Variants in PCDH11X observed in about 807,000 individuals in gnomAD.
The protein encoded by PCDH11X is protocadherin 11 X-linked, also known as protocadherin-11 X-linked.
In PCDH11X, 18 loss-of-function variants were observed where a neutral mutation model predicts 53.3. That is an observed-to-expected ratio of 0.34 (90% CI 0.23 to 0.50). The LOEUF (loss-of-function observed/expected upper bound fraction) is 0.50, where lower values mean the gene tolerates loss of function less well. Ranked by LOEUF, PCDH11X falls within the 20% of genes least tolerant of loss-of-function variation. The pLI is 0.98. For missense variants in PCDH11X, 570 were observed against 1,032.4 expected (o/e 0.55, Z 6.14); for synonymous variants, 279 against 393.3 (o/e 0.71, Z 3.44).
intron 6 of PCDH11X, among the ~76,000 whole-genome samples, chrX:91,938,212 T>A (rs1409620486): frequency 9.0e-6 from 1 of 111,446 alleles, no homozygotes; most frequent in Non-Finnish European, 1.9e-5. Context: ...AGCATATTTG[T>A]GGTTTTAAAA....
chrX:91,791,900 C>T (rs1286197788), intron 1 of PCDH11X, among the ~76,000 whole-genome samples: 1 of 94,138 alleles, frequency 1.1e-5, no homozygotes. Flanking sequence ...CTCGCTCTGT[C>T]GCCCAGGCTG....
intron 8 of PCDH11X, among the ~76,000 whole-genome samples, chrX:92,270,394 G>A (rs1023075007): frequency 8.9e-6 from 1 of 111,826 alleles, no homozygotes; most frequent in African/African-American, 3.3e-5. Flanking sequence ...AAAGTGCTGG[G>A]ATTACAGGCG....
chrX:92,282,370 A>G lies in PCDH11X; in HGVS notation c.3144+19227A>G, dbSNP rs755656602. The stretch of plus-strand genomic sequence containing the variant: ...ACATAGTTAATATCTTCCAAAAATA[A>G]TACCCTAGTTCAATCTTTGAAAAAG... On this transcript the variant is annotated intron_variant, in intron 8 of 10. Coordinates refer to ENST00000682573, the MANE Select transcript of PCDH11X (RefSeq NM_032968.5). Among the ~76,000 whole-genome samples the G allele has an allele frequency of 5.4e-5, 6 of 111,624 alleles. No individual in the cohort carries two copies. In the East Asian group the frequency reaches 1.7e-3, roughly 31 times the overall value.
chrX:92,598,433 G>A (rs2148804688), intron 10 of PCDH11X, among the ~76,000 whole-genome samples: 1 of 110,390 alleles, frequency 9.1e-6, no homozygotes, highest in Non-Finnish European at 1.9e-5. Context: ...CAAATGGCAA[G>A]CAGGCATATG....
chrX:92,286,160 G>C (rs1461776473), intron 8 of PCDH11X, among the ~76,000 whole-genome samples: 1 of 108,440 alleles, frequency 9.2e-6, no homozygotes, highest in Non-Finnish European at 1.9e-5. Flanking sequence ...TTTGGGGCCA[G>C]TTTATGGCCA....
At chrX:92,267,110 C>T (rs2067849782) in intron 8 of PCDH11X, among the ~76,000 whole-genome samples, 1 of 111,752 alleles carries the variant, frequency 8.9e-6, no homozygotes, top group Non-Finnish European at 1.9e-5. Context: ...TTGAAATTTC[C>T]TCGTATGAAT....
intron 6 of PCDH11X, among the ~76,000 whole-genome samples, chrX:91,899,175 C>A (rs1225712807): frequency 1.8e-5 from 2 of 110,674 alleles, no homozygotes; most frequent in Non-Finnish European, 3.8e-5. Flanking sequence ...TTCGAGTCCC[C>A]AAACCTCAAC....
chrX:92,470,645 AT>A (rs985964033), intron 10 of PCDH11X, among the ~76,000 whole-genome samples: 4 of 111,543 alleles, frequency 3.6e-5, no homozygotes, highest in African/African-American at 1.3e-4. Context: ...TTCTTAGAGA[AT>A]TTTTTTAAAT....
At chrX:91,891,190 A>G (rs1274012569) in intron 6 of PCDH11X, among the ~76,000 whole-genome samples, 1 of 107,193 alleles carries the variant, frequency 9.3e-6, no homozygotes, top group Non-Finnish European at 1.9e-5. Context: ...CTAATTATAG[A>G]GCATCTTTCA....
At chrX:91,788,981 C>T (rs1382079096) in intron 1 of PCDH11X, among the ~76,000 whole-genome samples, 2 of 110,897 alleles carry the variant, frequency 1.8e-5, no homozygotes, top group African/African-American at 3.3e-5. Flanking sequence ...GGGCAGATCA[C>T]GAGGTCAAGA....
chrX:91,848,868 T>C (rs909577713), intron 5 of PCDH11X, among the ~76,000 whole-genome samples: 7 of 111,496 alleles, frequency 6.3e-5, no homozygotes, highest in Admixed American at 4.8e-4. Context: ...CCTGCTACGA[T>C]GAAGACTTCT....
intron 4 of PCDH11X, among the ~76,000 whole-genome samples, chrX:91,817,040 C>T (rs1373071922): frequency 9.2e-6 from 1 of 108,886 alleles, no homozygotes; most frequent in Non-Finnish European, 1.9e-5. Flanking sequence ...TCGACCCTAC[C>T]CAATATACTA....
At chrX:92,334,443 AT>A (rs1213802926) in intron 8 of PCDH11X, among the ~76,000 whole-genome samples, 1 of 111,831 alleles carries the variant, frequency 8.9e-6, no homozygotes, top group Non-Finnish European at 1.9e-5. Context: ...TGTGATGCTA[AT>A]CATCTCCAAG....
chrX:92,493,241 A>T (rs1345680611), intron 10 of PCDH11X, among the ~76,000 whole-genome samples: 2 of 110,719 alleles, frequency 1.8e-5, no homozygotes, highest in Non-Finnish European at 3.8e-5. Flanking sequence ...TTTTTTTTTT[A>T]AATTGTAAAG....
At chrX:92,474,975 C>T (rs1346113651) in intron 10 of PCDH11X, among the ~76,000 whole-genome samples, 5 of 104,739 alleles carry the variant, frequency 4.8e-5, no homozygotes, top group African/African-American at 1.7e-4. Context: ...ACCATCCCGG[C>T]TAAGACGGTG....
Position 91,875,252 on chromosome X carries a change from C to A in PCDH11X, c.541-1529C>A, listed in dbSNP as rs1301491622. 4.9e-5 allele frequency among the ~76,000 whole-genome samples: 5 copies of A among 103,062 alleles called. No individual in the cohort carries two copies. The Admixed American group carries it at 5.3e-4, about 11-fold the overall frequency. 89.5% of individuals were successfully genotyped at this position (103,062 alleles called of 115,157 possible). On this transcript the variant is annotated intron_variant, in intron 5 of 10. Coordinates refer to ENST00000682573, the MANE Select transcript of PCDH11X (RefSeq NM_032968.5). ...GATCACTACGTTTGTGTGTAGGGAT[C>A]ATCTTATTGTAGTACAGGGAGGGGA... is the stretch of plus-strand genomic sequence containing the variant.
chrX:91,921,857 G>A (rs1941752658), intron 6 of PCDH11X, among the ~76,000 whole-genome samples: 1 of 110,726 alleles, frequency 9.0e-6, no homozygotes, highest in African/African-American at 3.3e-5. Context: ...ATGGTTAATA[G>A]TATATTTAGT....
At chrX:92,409,779 C>T (rs1048330520) in intron 9 of PCDH11X, among the ~76,000 whole-genome samples, 20 of 111,924 alleles carry the variant, frequency 1.8e-4, no homozygotes, top group Admixed American at 1.7e-3. Flanking sequence ...TCACATTTCT[C>T]TTGGTTAATT....
rs746675475 is a variant in PCDH11X, at chrX:92,270,429, C to T, written c.3144+7286C>T. ...GTGAGCCAACTGTGTCCAGCCAAAC[C>T]ACAGGATGTTCTTAACATATCAGCC... On this transcript the variant is annotated intron_variant, in intron 8 of 10. Transcript: ENST00000682573. Among the ~76,000 whole-genome samples the T allele has an allele frequency of 2.0e-3, 229 of 111,986 alleles. 1 individual carries two copies. The highest frequency in any genetic ancestry group is 7.1e-3 in the African/African-American group (218 of 30,867).
Sources: gnomAD v4.1 joint callset for allele counts (sites outside exome capture counted in the v4.1 genomes callset) on GRCh38, gnomAD v4.1.1 for gene constraint, MANE v1.5 for transcripts, NCBI Gene and HGNC (gene_info 2026-07-23, HGNC 2026-07-21) for gene names.